ZNF469: variants seen among roughly 807,000 people sequenced by gnomAD.
The protein encoded by ZNF469 is zinc finger protein 469.
ZNF469 carries 1 observed loss-of-function variant against 1.0 expected under a neutral mutation model. The ratio of observed to expected loss-of-function variants is 1.00; its 90% confidence interval spans 0.35 to 4.73. The LOEUF (loss-of-function observed/expected upper bound fraction) is 4.73. ZNF469 is among the 30% of genes most tolerant of loss of function. ZNF469 has a pLI of 0.16. For missense variants in ZNF469, 6,100 were observed against 5,356.3 expected (o/e 1.14, Z -4.33); for synonymous variants, 2,703 against 2,363.4 (o/e 1.14, Z -4.17).
At chr16:88,339,220 G>A in the ZNF469 span, among the ~76,000 whole-genome samples, 10 of 116,314 alleles carry the variant, frequency 8.6e-5, no homozygotes, top group African/African-American at 3.1e-4. Context: ...CAGGGTGATC[G>A]GGGATAGGAT....
chr16:88,434,185 A>G lies in ZNF469; in HGVS notation c.6715A>G (p.Thr2239Ala). ...TGGCTCCGTCAGTGCTGTAACCTGC[A>G]CTCACAGTGGGGACACCCCCAAAGA... ...PPGSVSAVTC[T>A]HSGDTPKDST... Residue 2239 changes from threonine (T) to alanine (A), a missense_variant, in exon 3 of 3, where the codon ACT becomes GCT. Physicochemically the swap from Thr to Ala is moderately conservative, Grantham distance 58. Transcript: ENST00000565624. 1 of 1,550,330 alleles carries G rather than the reference A, an allele frequency of 6.5e-7. No individual in the cohort carries two copies. The highest frequency in any genetic ancestry group is 8.7e-7 in the Non-Finnish European group (1 of 1,146,960).
chr16:88,349,504 C>T, the ZNF469 span, among the ~76,000 whole-genome samples: 1 of 145,842 alleles, frequency 6.9e-6, no homozygotes, highest in Non-Finnish European at 1.5e-5. Context: ...AGTACACACA[C>T]ACTCTACACA....
chr16:88,402,006 G>A (rs1290178711), intron 1 of ZNF469, among the ~76,000 whole-genome samples: 6 of 149,604 alleles, frequency 4.0e-5, no homozygotes, highest in Middle Eastern at 3.4e-3. Flanking sequence ...ATGGATGGGT[G>A]GATGGATAGA....
At chr16:88,147,264 C>A in the ZNF469 span, among the ~76,000 whole-genome samples, 2 of 152,042 alleles carry the variant, frequency 1.3e-5, no homozygotes, top group Non-Finnish European at 2.9e-5. Context: ...GGAAGATTCT[C>A]CCCTGGAGCC....
the ZNF469 span, among the ~76,000 whole-genome samples, chr16:88,297,872 G>C: frequency 0.026 from 3,932 of 152,246 alleles, 186 homozygotes; most frequent in East Asian, 0.16. Context: ...ACATTATTGA[G>C]GGCACTACAG....
chr16:88,439,910 T>TCGAG lies in ZNF469; in HGVS notation c.*579_*580insGAGC. ...CTCCCTCTGACCACAGGGTCATGCCTCCTCCCTCTGACCACAGGGTCATGC... is the reference window on the plus strand; with the variant it reads ...CTCCCTCTGACCACAGGGTCATGCCTCGAGCCTCCCTCTGACCACAGGGTCATGC... On this transcript the variant is annotated 3_prime_UTR_variant, in exon 3 of 3. Transcript: ENST00000565624. 5.8e-6 allele frequency: 1 copy of TCGAG among 171,806 alleles called. No individual in the cohort carries two copies. The highest frequency in any genetic ancestry group is 1.3e-4 in the South Asian group (1 of 7,554). 10.6% of individuals were successfully genotyped at this position (171,806 alleles called of 1,614,324 possible).
At chr16:88,134,381 G>A in the ZNF469 span, among the ~76,000 whole-genome samples, 1 of 152,168 alleles carries the variant, frequency 6.6e-6, no homozygotes, top group Non-Finnish European at 1.5e-5. Context: ...TGGGAGCTGG[G>A]GACACAGTGA....
the ZNF469 span, among the ~76,000 whole-genome samples, chr16:88,310,481 G>T: frequency 1.3e-5 from 2 of 152,128 alleles, no homozygotes; most frequent in Non-Finnish European, 2.9e-5. Context: ...GCACACAAAA[G>T]TGATAGCTGC....
At chr16:88,123,975 C>A in the ZNF469 span, among the ~76,000 whole-genome samples, 28,571 of 152,048 alleles carry the variant, frequency 0.19, 3,386 homozygotes, top group African/African-American at 0.34. Context: ...AGCTAATTTT[C>A]TATTTTTAGT....
chr16:88,414,242 G>T (rs577349413), intron 1 of ZNF469, among the ~76,000 whole-genome samples: 1 of 152,204 alleles, frequency 6.6e-6, no homozygotes, highest in Non-Finnish European at 1.5e-5. Context: ...CAGGCCACGG[G>T]CCTCCAGGTC....
Position 88,435,149 on chromosome 16 carries a change from A to G in ZNF469, c.7679A>G (p.Glu2560Gly). Reference protein sequence around the residue: ...TQPPPAQGSKEVLRAPGSPHS... With the variant: ...TQPPPAQGSKGVLRAPGSPHS... ...CCACCGCCTGCCCAGGGCTCAAAGG[A>G]GGTTCTCAGAGCACCGGGGTCCCCA... The change falls in exon 3 of 3, where the codon GAG becomes GGG. Residue 2560 changes from glutamate to glycine, a missense_variant. Physicochemically the swap from Glu to Gly is moderately conservative, Grantham distance 98 (BLOSUM62 -2). Transcript: ENST00000565624. 1 of 1,550,286 alleles carries G rather than the reference A, an allele frequency of 6.5e-7. No homozygotes were observed. Among genetic ancestry groups the G allele is most frequent in the Non-Finnish European group, 8.7e-7 (1 of 1,146,952 alleles).
upstream of ZNF469, among the ~76,000 whole-genome samples, chr16:88,381,000 ACT>A (rs2092521819): frequency 6.9e-6 from 1 of 144,766 alleles, no homozygotes; most frequent in Non-Finnish European, 1.5e-5. Context: ...ACAGACATGC[ACT>A]CACACACATG....
At chr16:88,375,489 C>G in the ZNF469 span, among the ~76,000 whole-genome samples, 2 of 152,254 alleles carry the variant, frequency 1.3e-5, no homozygotes, top group Non-Finnish European at 2.9e-5. Flanking sequence ...CAGAGTCCCA[C>G]CAGGGACACA....
At chr16:88,291,792 G>C in the ZNF469 span, among the ~76,000 whole-genome samples, 5 of 152,152 alleles carry the variant, frequency 3.3e-5, no homozygotes, top group African/African-American at 1.2e-4. Flanking sequence ...TGTCCTGGGA[G>C]TGCCTTTAAG....
chr16:88,198,607 A>C, the ZNF469 span, among the ~76,000 whole-genome samples: 1 of 152,176 alleles, frequency 6.6e-6, no homozygotes, highest in Non-Finnish European at 1.5e-5. Flanking sequence ...GGGCAGGCCC[A>C]CCTGGCCTTG....
chr16:88,305,530 G>C, the ZNF469 span, among the ~76,000 whole-genome samples: 8 of 108,470 alleles, frequency 7.4e-5, no homozygotes, highest in Admixed American at 7.8e-4. Flanking sequence ...GCACACACAC[G>C]CTCACAGGCA....
intron 1 of ZNF469, among the ~76,000 whole-genome samples, chr16:88,412,159 T>TGTCCCAGGCCCACC (rs930970526): frequency 1.1e-4 from 16 of 152,178 alleles, no homozygotes; most frequent in African/African-American, 3.9e-4. Flanking sequence ...CCACGCCCCC[T>TGTCCCAGGCCCACC]GTCCCAGGCC....
chr16:88,343,262 G>T, the ZNF469 span, among the ~76,000 whole-genome samples: 1 of 152,328 alleles, frequency 6.6e-6, no homozygotes, highest in South Asian at 2.1e-4. Flanking sequence ...AGTAAACATG[G>T]TATGGGGTTG....
the ZNF469 span, among the ~76,000 whole-genome samples, chr16:88,358,644 C>A: frequency 6.6e-6 from 1 of 152,156 alleles, no homozygotes; most frequent in African/African-American, 2.4e-5. Flanking sequence ...CTGAGAGTCA[C>A]CCCATCCTGG....
Sources: gnomAD v4.1 joint callset for allele counts (sites outside exome capture counted in the v4.1 genomes callset) on GRCh38, gnomAD v4.1.1 for gene constraint, MANE v1.5 for transcripts, NCBI Gene and HGNC (gene_info 2026-07-23, HGNC 2026-07-21) for gene names.